The following MACROD2 variants were observed in gnomAD, a reference collection of about 807,000 sequenced individuals.
MACROD2 encodes the protein ADP-ribose glycohydrolase MACROD2.
A neutral mutation model predicts 70.4 loss-of-function variants in MACROD2; 36 were observed. The ratio of observed to expected loss-of-function variants is 0.51; its 90% CI spans 0.39 to 0.68. MACROD2 has a LOEUF of 0.68. Ranked by LOEUF, MACROD2 falls within the 30% of genes least tolerant of loss-of-function variation. The pLI, the probability that MACROD2 is intolerant of heterozygous loss-of-function variation, is 0.00. For missense variants in MACROD2, 496 were observed against 538.4 expected, an observed-to-expected ratio of 0.92 and a Z score of 0.78; for synonymous variants, 172 against 178.8, an observed-to-expected ratio of 0.96 and a Z score of 0.30.
At chr20:14,955,492 A>G (rs773589036) in intron 5 of MACROD2, among the ~76,000 whole-genome samples, 59 of 151,744 alleles carry the variant, frequency 3.9e-4, no homozygotes, top group Middle Eastern at 6.8e-3. Flanking sequence ...TATGTCTGCC[A>G]TCAAGTGTGT....
At chr20:14,926,726 A>G (rs2074237691) in intron 5 of MACROD2, among the ~76,000 whole-genome samples, 1 of 152,140 alleles carries the variant, frequency 6.6e-6, no homozygotes, top group South Asian at 2.1e-4. Context: ...CAACTCTTCC[A>G]ATTGACATGA....
intron 5 of MACROD2, among the ~76,000 whole-genome samples, chr20:14,985,963 G>A (rs1468957324): frequency 6.6e-6 from 1 of 152,094 alleles, no homozygotes; most frequent in African/African-American, 2.4e-5. Flanking sequence ...TAAAAACTCA[G>A]AGGTTGTAGT....
At chr20:14,157,786 T>A (rs1194141784) in intron 3 of MACROD2, among the ~76,000 whole-genome samples, 1 of 152,196 alleles carries the variant, frequency 6.6e-6, no homozygotes, top group Non-Finnish European at 1.5e-5. Flanking sequence ...CAAATACTAT[T>A]CCATTGTGTA....
At chr20:14,072,814 G>A (rs1332338136) in intron 2 of MACROD2, among the ~76,000 whole-genome samples, 1 of 151,734 alleles carries the variant, frequency 6.6e-6, no homozygotes, top group Non-Finnish European at 1.5e-5. Flanking sequence ...GACGCCTATA[G>A]TCCCATCTAC....
intron 8 of MACROD2, among the ~76,000 whole-genome samples, chr20:15,818,692 A>AGTCTCT (rs2063903099): frequency 1.3e-5 from 2 of 152,248 alleles, no homozygotes; most frequent in South Asian, 4.1e-4. Flanking sequence ...CATTTTACCC[A>AGTCTCT]GTCTCTATTC....
intron 9 of MACROD2, among the ~76,000 whole-genome samples, chr20:15,879,985 G>A (rs1325665810): frequency 6.6e-6 from 1 of 152,102 alleles, no homozygotes; most frequent in East Asian, 1.9e-4. Flanking sequence ...GAGGCCGGAG[G>A]AGTTCCCTCT....
chr20:14,155,439 G>A (rs780422234), intron 3 of MACROD2, among the ~76,000 whole-genome samples: 16 of 152,042 alleles, frequency 1.1e-4, no homozygotes, highest in Admixed American at 5.9e-4. Context: ...GCTATTTCAC[G>A]TATAGATTGA....
intron 2 of MACROD2, among the ~76,000 whole-genome samples, chr20:14,005,290 A>G (rs1329233964): frequency 6.6e-6 from 1 of 152,168 alleles, no homozygotes; most frequent in African/African-American, 2.4e-5. Context: ...AAAACCCAAA[A>G]AACAAAAACC....
intron 15 of MACROD2, among the ~76,000 whole-genome samples, chr20:15,999,702 ATTCCT>A (rs931527262): frequency 2.6e-5 from 4 of 152,192 alleles, no homozygotes; most frequent in East Asian, 1.9e-4. Flanking sequence ...TGATAAATTG[ATTCCT>A]TTATTATTAC....
chr20:14,125,375 C>T (rs1052827765), intron 3 of MACROD2, among the ~76,000 whole-genome samples: 7 of 152,154 alleles, frequency 4.6e-5, no homozygotes, highest in African/African-American at 1.7e-4. Context: ...ATCTTGACAG[C>T]CACTTGCTCC....
chr20:15,916,233 T>A (rs965040447), intron 10 of MACROD2, among the ~76,000 whole-genome samples: 1 of 152,116 alleles, frequency 6.6e-6, no homozygotes, highest in African/African-American at 2.4e-5. Context: ...TCTCACTGAT[T>A]CTTGGCCAGA....
At chr20:14,275,711 A>G (rs2082246936) in intron 3 of MACROD2, among the ~76,000 whole-genome samples, 1 of 152,234 alleles carries the variant, frequency 6.6e-6, no homozygotes, top group Non-Finnish European at 1.5e-5. Flanking sequence ...AGAATGGGAG[A>G]AAATTTTCAC....
intron 3 of MACROD2, among the ~76,000 whole-genome samples, chr20:14,260,897 T>C (rs937648875): frequency 6.6e-6 from 1 of 152,232 alleles, no homozygotes; most frequent in African/African-American, 2.4e-5. Flanking sequence ...TATTCCATAC[T>C]GAGAATTGGT....
Position 14,705,312 on chromosome 20 carries a change from C to A in MACROD2, c.418+20353C>A, listed in dbSNP as rs190586084. 9.8e-4 allele frequency among the ~76,000 whole-genome samples: 149 copies of A among 152,068 alleles called. 3 individuals are homozygous for A. In the East Asian group the frequency reaches 0.022, roughly 22 times the overall value. On this transcript the variant is annotated intron_variant, in intron 5 of 17. Transcript: ENST00000684519. ...CCCCTCCCAAGCATAATATAAACCG[C>A]CAAGAGCCAGGAACTCTTTTTTTAA...
intron 4 of MACROD2, among the ~76,000 whole-genome samples, chr20:14,609,819 G>A (rs961256278): frequency 6.6e-6 from 1 of 152,046 alleles, no homozygotes; most frequent in African/African-American, 2.4e-5. Flanking sequence ...GGGGTCATGG[G>A]CTGTGGGACA....
chr20:15,809,508 T>A (rs575251484), intron 8 of MACROD2, among the ~76,000 whole-genome samples: 1 of 152,336 alleles, frequency 6.6e-6, no homozygotes, highest in African/African-American at 2.4e-5. Context: ...AGAGCCAATG[T>A]GTGCAAAGAT....
chr20:15,264,912 G>C (rs1175848557), intron 6 of MACROD2, among the ~76,000 whole-genome samples: 1 of 152,120 alleles, frequency 6.6e-6, no homozygotes, highest in East Asian at 1.9e-4. Flanking sequence ...AGTGGGAGGG[G>C]TCAGAGAGAC....
At chr20:16,004,279 A>T (rs1408171924) in intron 15 of MACROD2, among the ~76,000 whole-genome samples, 1 of 152,100 alleles carries the variant, frequency 6.6e-6, no homozygotes, top group Admixed American at 6.5e-5. Flanking sequence ...CATTTCTCCC[A>T]CAGTGGCAGG....
intron 3 of MACROD2, among the ~76,000 whole-genome samples, chr20:14,420,378 CTTG>C (rs900271089): frequency 2.0e-5 from 3 of 151,966 alleles, no homozygotes; most frequent in African/African-American, 7.2e-5. Context: ...AATAGTAACA[CTTG>C]TTGTTTCTTA....
Sources: allele counts gnomAD v4.1 joint callset (sites outside exome capture counted in the v4.1 genomes callset), GRCh38; gene constraint gnomAD v4.1.1; transcripts MANE v1.5; gene names NCBI Gene and HGNC (gene_info 2026-07-23, HGNC 2026-07-21).